Variants in GMCL1 observed in about 807,000 individuals in gnomAD.
GMCL1 encodes the protein germ cell-less 1, spermatogenesis associated.
GMCL1 carries 54 observed loss-of-function variants against 75.5 expected under a neutral mutation model. The observed-to-expected ratio is 0.71, with a 90% CI of 0.57 to 0.90. The LOEUF is 0.90. GMCL1 is among the 40% of genes least tolerant of loss of function. The pLI, the probability that GMCL1 is intolerant of heterozygous loss-of-function variation, is 0.00. For missense variants in GMCL1, 537 were observed against 622.7 expected, an observed-to-expected ratio of 0.86 and a Z score of 1.47; for synonymous variants, 210 against 209.6, an observed-to-expected ratio of 1.00 and a Z score of -0.02.
intron 7 of GMCL1, 90 bp downstream of exon 7, chr2:69,847,717 A>G: frequency 2.9e-6 from 2 of 698,022 alleles, no homozygotes; most frequent in South Asian, 4.0e-5. Context: ...ATCCAGTAAT[A>G]AAGGGATGGT....
chr2:69,837,065 A>T (rs73936266), intron 1 of GMCL1, among the ~76,000 whole-genome samples: 1 of 152,200 alleles, frequency 6.6e-6, no homozygotes, highest in African/African-American at 2.4e-5. Flanking sequence ...TTGGTACCAA[A>T]ATAAGATTAA....
At chr2:69,835,223 CAAA>C (rs1314706256) in intron 1 of GMCL1, among the ~76,000 whole-genome samples, 7 of 151,508 alleles carry the variant, frequency 4.6e-5, no homozygotes, top group African/African-American at 1.2e-4. Context: ...GAAAAACAAA[CAAA>C]CTATTCTTTG....
chr2:69,857,449 CT>C (rs1675508027), intron 9 of GMCL1, among the ~76,000 whole-genome samples: 1 of 152,190 alleles, frequency 6.6e-6, no homozygotes, highest in Non-Finnish European at 1.5e-5. Context: ...CATTATTTCT[CT>C]TTTTCATTTC....
intron 11 of GMCL1, among the ~76,000 whole-genome samples, chr2:69,867,540 T>C (rs1675855500): frequency 6.6e-6 from 1 of 152,212 alleles, no homozygotes; most frequent in Non-Finnish European, 1.5e-5. Context: ...TTTACAACCT[T>C]TCCCTATCAC....
chr2:69,869,530 G>A (rs1190559835), intron 11 of GMCL1, 189 bp from the exon 12 acceptor site: 8 of 529,006 alleles, frequency 1.5e-5, no homozygotes, highest in Middle Eastern at 4.9e-4. Flanking sequence ...TGATCATTAA[G>A]GGCAGCTTTT....
intron 11 of GMCL1, among the ~76,000 whole-genome samples, chr2:69,867,201 C>T (rs1471830926): frequency 1.3e-5 from 2 of 152,156 alleles, no homozygotes; most frequent in East Asian, 1.9e-4. Flanking sequence ...CTACCTTGGC[C>T]TCCCAAATTG....
chr2:69,844,196 G>A lies in GMCL1; in HGVS notation c.758G>A (p.Ser253Asn). 6.5e-7 allele frequency: 1 copy of A among 1,536,892 alleles called. No individual in the cohort carries two copies. The highest frequency in any genetic ancestry group is 8.9e-7 in the Non-Finnish European group (1 of 1,129,044). ...AATGTTGAACTTTTTAAAGAACTCAGGTATTTGAATTTCAAGTAACTTCAT... is the reference window on the plus strand; with the variant it reads ...AATGTTGAACTTTTTAAAGAACTCAAGTATTTGAATTTCAAGTAACTTCAT... ...HQNVELFKELSINVMKQLIGS... is the reference protein window; with the variant it reads ...HQNVELFKELNINVMKQLIGS... The change falls in exon 6 of 14, where the codon AGT (serine) becomes AAT (asparagine). Residue 253 changes from serine to asparagine, a missense_variant and splice_region_variant. Ser to Asn is a conservative substitution (Grantham distance 46, BLOSUM62 1). This residue lies in a region of GMCL1 where 345 missense variants were observed against 410.5 expected (regional missense o/e 0.84). Coordinates refer to ENST00000282570, the MANE Select transcript of GMCL1 (RefSeq NM_178439.5).
intron 11 of GMCL1, among the ~76,000 whole-genome samples, chr2:69,866,603 C>T (rs1483924850): frequency 6.6e-6 from 1 of 152,096 alleles, no homozygotes; most frequent in Admixed American, 6.5e-5. Context: ...AGACTACAGA[C>T]ACGTGTCACC....
intron 6 of GMCL1, among the ~76,000 whole-genome samples, chr2:69,845,910 C>G (rs1368206858): frequency 1.3e-5 from 2 of 151,478 alleles, no homozygotes; most frequent in Admixed American, 6.6e-5. Flanking sequence ...ATGTACAAAA[C>G]CAAAGTCAAA....
intron 13 of GMCL1, among the ~76,000 whole-genome samples, chr2:69,874,990 C>T (rs1194238982): frequency 6.6e-6 from 1 of 152,160 alleles, no homozygotes; most frequent in African/African-American, 2.4e-5. Flanking sequence ...AGTGATCCAC[C>T]TGCCTCCGCC....
Position 69,846,690 on chromosome 2 carries a change from A to G in GMCL1, c.759-853A>G, listed in dbSNP as rs569932985. 3.9e-5 allele frequency among the ~76,000 whole-genome samples: 6 copies of G among 152,356 alleles called. No homozygotes were observed. The South Asian group carries it at 1.0e-3, about 26-fold the overall frequency. On this transcript the variant is annotated intron_variant, in intron 6 of 13. Transcript: ENST00000282570. ...CAAAACAAAACAAATAACTGGTGAT[A>G]TCATTTTCACTCTAAATAACTAGCA...
intron 10 of GMCL1, among the ~76,000 whole-genome samples, chr2:69,862,746 C>T (rs1270414505): frequency 6.9e-6 from 1 of 145,562 alleles, no homozygotes; most frequent in African/African-American, 2.5e-5. Context: ...GCAACAAGAG[C>T]AAAACTCCAT....
intron 13 of GMCL1, among the ~76,000 whole-genome samples, chr2:69,876,231 A>G (rs1676128261): frequency 6.6e-6 from 1 of 152,228 alleles, no homozygotes. Flanking sequence ...ATTAAAAGTG[A>G]TAAGAACCTT....
Position 69,869,046 on chromosome 2 carries a change from A to C in GMCL1, c.1219-673A>C, listed in dbSNP as rs572374033. On this transcript the variant is annotated intron_variant, in intron 11 of 13. Coordinates refer to ENST00000282570, the MANE Select transcript of GMCL1 (RefSeq NM_178439.5). ...GGCGGGCGGATCACCTGAGGTCGGG[A>C]GTTCGAGACCAGCCTGACCAACATG... Among the ~76,000 whole-genome samples, 682 of 151,800 alleles carry C rather than the reference A, an allele frequency of 4.5e-3. 6 individuals are homozygous for C. The highest frequency in any genetic ancestry group is 0.014 in the African/African-American group (587 of 41,426).
Position 69,851,178 on chromosome 2 carries a change from T to C in GMCL1, c.934+1436T>C, listed in dbSNP as rs79310487. Among the ~76,000 whole-genome samples, 889 of 152,342 alleles carry C rather than the reference T, an allele frequency of 5.8e-3. 26 individuals are homozygous for C. In the East Asian group the frequency reaches 0.061, roughly 10 times the overall value. ...TTGGTTGGGTGCCGTGGCTCATGCC[T>C]GTAATCCCAGCACTTTGGGAGGTCA... On this transcript the variant is annotated intron_variant, in intron 8 of 13. Transcript: ENST00000282570.
chr2:69,858,412 A>T (rs1675542690), intron 9 of GMCL1, among the ~76,000 whole-genome samples: 1 of 152,196 alleles, frequency 6.6e-6, no homozygotes, highest in Non-Finnish European at 1.5e-5. Flanking sequence ...TACTTAGTCA[A>T]AGTTTCTTGA....
intron 12 of GMCL1, among the ~76,000 whole-genome samples, chr2:69,871,204 A>C (rs879755539): frequency 2.0e-5 from 3 of 152,198 alleles, no homozygotes; most frequent in Non-Finnish European, 4.4e-5. Context: ...AAAGGAAGCA[A>C]ATTCTCATAC....
At chr2:69,872,608 C>A (rs1676013874) in intron 13 of GMCL1, among the ~76,000 whole-genome samples, 1 of 152,104 alleles carries the variant, frequency 6.6e-6, no homozygotes. Context: ...CCTCACATGC[C>A]CTATATGAGA....
chr2:69,861,204 T>C, intron 9 of GMCL1, 74 bp from the exon 10 acceptor site: 1 of 1,080,570 alleles, frequency 9.3e-7, no homozygotes, highest in Non-Finnish European at 1.4e-6. Flanking sequence ...AACAATTTTG[T>C]CAACTATGAA....
Sources: gnomAD v4.1 joint callset for allele counts (sites outside exome capture counted in the v4.1 genomes callset) on GRCh38, gnomAD v4.1.1 for gene constraint, gnomAD v4.1.1 regional missense constraint, MANE v1.5 for transcripts, NCBI Gene and HGNC (gene_info 2026-07-23, HGNC 2026-07-21) for gene names.